The following PKIB variants were observed in gnomAD, a reference collection of about 807,000 sequenced individuals.
The protein encoded by PKIB is cAMP-dependent protein kinase inhibitor beta, also known as PKI-beta.
A neutral mutation model predicts 4.5 loss-of-function variants in PKIB; 2 were observed. The ratio of observed to expected loss-of-function variants is 0.44; its 90% CI spans 0.18 to 1.39. The LOEUF (loss-of-function observed/expected upper bound fraction) is 1.39, where lower values mean the gene tolerates loss of function less well. Ranked by LOEUF, PKIB falls within the 40% of genes most tolerant of loss-of-function variation. The pLI, the probability that PKIB is intolerant of heterozygous loss-of-function variation, is 0.27. For missense variants in PKIB, 94 were observed against 92.6 expected (o/e 1.02, Z -0.06); for synonymous variants, 38 against 36.0 (o/e 1.06, Z -0.20).
chr6:122,710,356 C>A (rs1368861500), intron 3 of PKIB, among the ~76,000 whole-genome samples: 1 of 152,092 alleles, frequency 6.6e-6, no homozygotes, highest in Admixed American at 6.6e-5. Context: ...GGGAAGAGTA[C>A]AAGCAGACCA....
intron 3 of PKIB, among the ~76,000 whole-genome samples, chr6:122,678,100 G>A (rs554138399): frequency 2.0e-5 from 3 of 152,084 alleles, no homozygotes; most frequent in African/African-American, 2.4e-5. Context: ...GGGTTTCACC[G>A]TGTTAGCCAG....
At chr6:122,621,134 C>A (rs1372865418) in intron 1 of PKIB, among the ~76,000 whole-genome samples, 3 of 152,134 alleles carry the variant, frequency 2.0e-5, no homozygotes, top group Non-Finnish European at 4.4e-5. Context: ...AGGAAGAAGA[C>A]CAGCTTAGAG....
At chr6:122,565,032 A>G (rs1449752108) in intron 2 of PKIB, among the ~76,000 whole-genome samples, 1 of 152,120 alleles carries the variant, frequency 6.6e-6, no homozygotes, top group Non-Finnish European at 1.5e-5. Flanking sequence ...TTAGTATTAG[A>G]CCTCAATGGC....
intron 2 of PKIB, among the ~76,000 whole-genome samples, chr6:122,583,836 A>G (rs1238943448): frequency 6.6e-6 from 1 of 152,124 alleles, no homozygotes; most frequent in African/African-American, 2.4e-5. Context: ...ACTAGTGAGA[A>G]TAGAGCAAAG....
rs9490469 is a variant in PKIB, at chr6:122,525,318, G to A, written c.-248+47379G>A. 5.7e-4 allele frequency among the ~76,000 whole-genome samples: 87 copies of A among 152,126 alleles called. 1 individual carries two copies. The highest frequency in any genetic ancestry group is 2.1e-3 in the African/African-American group (87 of 41,500). ...TCTATTGTGATTGAAAAAATACTTT[G>A]TATGATTTCAGTAAACTTGAAATTG... On this transcript the variant is annotated intron_variant, in intron 2 of 6. Coordinates refer to the PKIB transcript ENST00000392491.
chr6:122,562,189 C>T (rs903459313), intron 2 of PKIB, among the ~76,000 whole-genome samples: 13 of 151,794 alleles, frequency 8.6e-5, no homozygotes, highest in East Asian at 5.8e-4. Flanking sequence ...TGTCTGAAAA[C>T]GACTGTATCT....
At chr6:122,553,481 C>CTGTTTTTTTTTTTTT (rs1772746568) in intron 2 of PKIB, among the ~76,000 whole-genome samples, 1 of 65,838 alleles carries the variant, frequency 1.5e-5, no homozygotes, top group South Asian at 6.6e-4. Flanking sequence ...CAAATATCTT[C>CTGTTTTTTTTTTTTT]TTTTTTTTTT....
rs539410107 is a variant in PKIB, at chr6:122,634,527, G to A, written c.-76+1160G>A. 1.0e-3 allele frequency among the ~76,000 whole-genome samples: 158 copies of A among 152,046 alleles called. 2 individuals are homozygous for A. Among genetic ancestry groups the A allele is most frequent in the Non-Finnish European group, 1.1e-3 (74 of 68,020 alleles). ...AACCCAAGGTCAGCTGCAGCCTGAGGGAAGGCTCCAAAGTTCTTCTCCCCC... is the reference window on the plus strand; with the variant it reads ...AACCCAAGGTCAGCTGCAGCCTGAGAGAAGGCTCCAAAGTTCTTCTCCCCC... On this transcript the variant is annotated intron_variant, in intron 2 of 4. Coordinates refer to ENST00000368452, the MANE Select transcript of PKIB (RefSeq NM_181795.3).
At chr6:122,616,710 G>T (rs34871186) in intron 1 of PKIB, among the ~76,000 whole-genome samples, 19,265 of 147,768 alleles carry the variant, frequency 0.13, 1,494 homozygotes, top group South Asian at 0.28. Context: ...AGGGTGAGTA[G>T]TTTTTTTTTT....
intron 3 of PKIB, chr6:122,586,227 A>C (rs1773842146): frequency 6.6e-6 from 1 of 152,110 alleles, no homozygotes; most frequent in Non-Finnish European, 1.5e-5. Flanking sequence ...GTAAACTGTG[A>C]TCTGTTGAAC....
chr6:122,525,437 G>A (rs1323748891), intron 2 of PKIB, among the ~76,000 whole-genome samples: 2 of 152,092 alleles, frequency 1.3e-5, no homozygotes, highest in Non-Finnish European at 1.5e-5. Flanking sequence ...TGAGAAGAAT[G>A]TATATTCTGC....
At chr6:122,687,284 T>C (rs1205173536) in intron 3 of PKIB, among the ~76,000 whole-genome samples, 1 of 152,200 alleles carries the variant, frequency 6.6e-6, no homozygotes, top group Non-Finnish European at 1.5e-5. Flanking sequence ...TGTAGATGTA[T>C]AGATTTGTTT....
At chr6:122,587,086 T>C (rs1773872883) in intron 3 of PKIB, among the ~76,000 whole-genome samples, 1 of 152,124 alleles carries the variant, frequency 6.6e-6, no homozygotes, top group South Asian at 2.1e-4. Flanking sequence ...GCAGGTTTGT[T>C]ACATATGTGT....
At chr6:122,502,462 A>G (rs773385457) in intron 2 of PKIB, among the ~76,000 whole-genome samples, 2 of 151,696 alleles carry the variant, frequency 1.3e-5, no homozygotes, top group Non-Finnish European at 2.9e-5. Flanking sequence ...AAAATTTACA[A>G]TCAGAAGAGG....
At chr6:122,565,764 A>T (rs1198643530) in intron 2 of PKIB, among the ~76,000 whole-genome samples, 1 of 152,216 alleles carries the variant, frequency 6.6e-6, no homozygotes, top group African/African-American at 2.4e-5. Context: ...ATTAGCCAAG[A>T]TATTTTTAGG....
chr6:122,624,630 A>G (rs1775362220), intron 1 of PKIB, among the ~76,000 whole-genome samples: 1 of 152,220 alleles, frequency 6.6e-6, no homozygotes, highest in South Asian at 2.1e-4. Context: ...AAAATCATAT[A>G]GAGGAGAAAA....
intron 1 of PKIB, among the ~76,000 whole-genome samples, chr6:122,630,992 G>A (rs181304522): frequency 1.1e-4 from 17 of 152,180 alleles, no homozygotes; most frequent in East Asian, 5.8e-4. Context: ...ATTTTTTGTC[G>A]TTTTTATGTC....
chr6:122,585,097 T>A (rs1773813126), intron 2 of PKIB, among the ~76,000 whole-genome samples: 1 of 152,154 alleles, frequency 6.6e-6, no homozygotes, highest in Admixed American at 6.6e-5. Context: ...TCTGAGCTGC[T>A]ATTCTGGGCA....
intron 2 of PKIB, among the ~76,000 whole-genome samples, chr6:122,514,507 AG>A (rs1460542489): frequency 6.6e-6 from 1 of 152,256 alleles, no homozygotes; most frequent in African/African-American, 2.4e-5. Context: ...GGCAAAATTT[AG>A]CAGAACAACA....
Sources: gnomAD v4.1 joint callset for allele counts (sites outside exome capture counted in the v4.1 genomes callset) on GRCh38, gnomAD v4.1.1 for gene constraint, MANE v1.5 for transcripts, NCBI Gene and HGNC (gene_info 2026-07-23, HGNC 2026-07-21) for gene names.